Variants in MARCHF3 observed in about 807,000 individuals in gnomAD.
MARCHF3 encodes the protein E3 ubiquitin-protein ligase MARCHF3.
MARCHF3 carries 13 observed loss-of-function variants against 24.2 expected under a neutral mutation model. That is an observed-to-expected ratio of 0.54 (90% CI 0.35 to 0.85). The LOEUF (loss-of-function observed/expected upper bound fraction) is 0.85. Among genes scored for constraint, MARCHF3 ranks in the 40% least tolerant of loss-of-function variants. MARCHF3 has a pLI of 0.01. For missense variants in MARCHF3, 276 were observed against 325.0 expected, an observed-to-expected ratio of 0.85 and a Z score of 1.16; for synonymous variants, 144 against 137.3, an observed-to-expected ratio of 1.05 and a Z score of -0.34.
intron 4 of MARCHF3, among the ~76,000 whole-genome samples, chr5:126,872,097 G>A (rs1176794654): frequency 3.1e-4 from 7 of 22,700 alleles, no homozygotes; most frequent in Admixed American, 2.4e-3. Context: ...TTTTTTTTTT[G>A]AGACAGAGTT....
intron 1 of MARCHF3, among the ~76,000 whole-genome samples, chr5:126,943,253 C>A (rs1002311812): frequency 2.6e-5 from 4 of 152,124 alleles, no homozygotes; most frequent in Admixed American, 6.5e-5. Context: ...GAGATTGTGC[C>A]ACTGCACTCC....
intron 3 of MARCHF3, among the ~76,000 whole-genome samples, chr5:126,906,457 T>C (rs1249578894): frequency 6.6e-6 from 1 of 152,232 alleles, no homozygotes; most frequent in African/African-American, 2.4e-5. Flanking sequence ...TGGACTCTTT[T>C]TCGTTGGTAA....
chr5:126,892,518 A>C (rs1580607960), intron 3 of MARCHF3, among the ~76,000 whole-genome samples: 1 of 148,696 alleles, frequency 6.7e-6, no homozygotes, highest in East Asian at 2.0e-4. Flanking sequence ...AATTTTGTCA[A>C]AGGCTTTTTC....
intron 1 of MARCHF3, among the ~76,000 whole-genome samples, chr5:127,003,618 C>T (rs902822561): frequency 1.0e-4 from 15 of 143,190 alleles, no homozygotes; most frequent in Non-Finnish European, 2.3e-4. Flanking sequence ...GGCACGGTTG[C>T]AGGCGCCTGT....
At chr5:126,911,161 G>A (rs1450823694) in intron 3 of MARCHF3, among the ~76,000 whole-genome samples, 1 of 152,158 alleles carries the variant, frequency 6.6e-6, no homozygotes, top group Non-Finnish European at 1.5e-5. Flanking sequence ...AACTTCATTA[G>A]CAATTTTAAT....
At chr5:126,980,647 G>T (rs1751363976) in intron 1 of MARCHF3, among the ~76,000 whole-genome samples, 1 of 152,124 alleles carries the variant, frequency 6.6e-6, no homozygotes, top group Non-Finnish European at 1.5e-5. Context: ...GGGATTACAG[G>T]TGTGAGCCAC....
At chr5:126,977,429 T>C (rs947922641) in intron 1 of MARCHF3, among the ~76,000 whole-genome samples, 3 of 152,168 alleles carry the variant, frequency 2.0e-5, no homozygotes, top group Non-Finnish European at 4.4e-5. Context: ...CCCCAACCCA[T>C]CTACCTCTAA....
chr5:126,919,681 C>T (rs1416090770), intron 1 of MARCHF3, among the ~76,000 whole-genome samples: 1 of 152,184 alleles, frequency 6.6e-6, no homozygotes, highest in Non-Finnish European at 1.5e-5. Context: ...AGTTTCCCTC[C>T]CGACACGCAC....
chr5:126,948,525 A>T (rs925450901), intron 1 of MARCHF3, among the ~76,000 whole-genome samples: 3 of 152,202 alleles, frequency 2.0e-5, no homozygotes, highest in Admixed American at 6.5e-5. Flanking sequence ...GAGAAGCAAT[A>T]TGCTGAATAA....
At chr5:126,949,527 G>A (rs116588390) in intron 1 of MARCHF3, among the ~76,000 whole-genome samples, 133 of 152,160 alleles carry the variant, frequency 8.7e-4, no homozygotes, top group African/African-American at 2.9e-3. Context: ...TAGAACCCTC[G>A]CTGTAAAAGG....
intron 1 of MARCHF3, among the ~76,000 whole-genome samples, chr5:126,933,616 T>G: frequency 6.6e-6 from 1 of 152,100 alleles, no homozygotes; most frequent in East Asian, 1.9e-4. Context: ...GGCTAATTTT[T>G]TGTATTTTTA....
At position 126,906,852 on chromosome 5, in the gene MARCHF3, T is replaced by A. The variant is rs1484627468; in HGVS notation, c.393+8078A>T. 3.2e-4 allele frequency among the ~76,000 whole-genome samples: 48 copies of A among 151,822 alleles called. No homozygotes were observed. The East Asian group carries it at 5.2e-3, about 17-fold the overall frequency. Reference sequence around the variant, plus strand: ...CTCTGATTTTAGTTATTTCTTGCCTTCTGCTAGCTTTTGAATGTGTTTGCT... The same window carrying A: ...CTCTGATTTTAGTTATTTCTTGCCTACTGCTAGCTTTTGAATGTGTTTGCT... On this transcript the variant is annotated intron_variant, in intron 3 of 4. Transcript: ENST00000308660.
chr5:126,914,156 T>C (rs1290465095), intron 3 of MARCHF3, among the ~76,000 whole-genome samples: 1 of 151,898 alleles, frequency 6.6e-6, no homozygotes, highest in Non-Finnish European at 1.5e-5. Flanking sequence ...GCTAATTTTT[T>C]GTATTTTTAG....
rs557220842 is a variant in MARCHF3 at position 126,983,738 on chromosome 5, G to A, written c.-57+46612C>T. ...CCTTCCCTCATCCCTGACACTTAACGGGAGGCAAATCAGAAGGAGCGCAGG... is the reference window on the plus strand; with the variant it reads ...CCTTCCCTCATCCCTGACACTTAACAGGAGGCAAATCAGAAGGAGCGCAGG... On this transcript the variant is annotated intron_variant, in intron 1 of 4. Transcript: ENST00000308660. Among the ~76,000 whole-genome samples the A allele has an allele frequency of 2.1e-4, 32 of 152,252 alleles. 1 individual carries two copies. Among genetic ancestry groups the A allele is most frequent in the East Asian group, 1.9e-4 (1 of 5,172 alleles).
chr5:126,907,101 G>C (rs1466972234), intron 3 of MARCHF3, among the ~76,000 whole-genome samples: 4 of 151,778 alleles, frequency 2.6e-5, no homozygotes, highest in Non-Finnish European at 5.9e-5. Flanking sequence ...GGAGCAGGTT[G>C]TTCAGTTTCC....
intron 1 of MARCHF3, among the ~76,000 whole-genome samples, chr5:126,956,953 T>C (rs913662402): frequency 1.3e-5 from 2 of 152,234 alleles, no homozygotes; most frequent in African/African-American, 4.8e-5. Flanking sequence ...GGTCTCACTA[T>C]GTTGCCCAGG....
intron 1 of MARCHF3, among the ~76,000 whole-genome samples, chr5:126,970,661 G>A (rs1330530711): frequency 6.6e-6 from 1 of 152,080 alleles, no homozygotes; most frequent in African/African-American, 2.4e-5. Flanking sequence ...CTGATGAAGT[G>A]CAAAGGAATT....
At chr5:126,954,463 T>C (rs1204774687) in intron 1 of MARCHF3, among the ~76,000 whole-genome samples, 1 of 151,856 alleles carries the variant, frequency 6.6e-6, no homozygotes, top group South Asian at 2.1e-4. Context: ...CTCCAACTCC[T>C]GCATTCAAGC....
chr5:126,879,488 C>G (rs530872325), intron 3 of MARCHF3, among the ~76,000 whole-genome samples: 3 of 152,298 alleles, frequency 2.0e-5, no homozygotes, highest in African/African-American at 7.2e-5. Context: ...GCCATCTTGA[C>G]TGAACTAATC....
Sources: gnomAD v4.1 joint callset for allele counts (sites outside exome capture counted in the v4.1 genomes callset) on GRCh38, gnomAD v4.1.1 for gene constraint, MANE v1.5 for transcripts, NCBI Gene and HGNC (gene_info 2026-07-23, HGNC 2026-07-21) for gene names.